The following SDK1 variants were observed in gnomAD, a reference collection of about 807,000 sequenced individuals.
The protein encoded by SDK1 is protein sidekick-1.
SDK1 carries 157 observed loss-of-function variants against 245.5 expected under a neutral mutation model. That is an observed-to-expected ratio of 0.64 (90% CI 0.56 to 0.73). The LOEUF is 0.73. SDK1 is among the 30% of genes least tolerant of loss of function. The pLI is 0.00. For missense variants in SDK1, 3,583 were observed against 3,002.3 expected (o/e 1.19, Z -4.52); for synonymous variants, 1,647 against 1,278.5 (o/e 1.29, Z -6.15).
At chr7:3,627,822 A>C (rs1782167253) in intron 2 of SDK1, among the ~76,000 whole-genome samples, 1 of 152,188 alleles carries the variant, frequency 6.6e-6, no homozygotes, top group Non-Finnish European at 1.5e-5. Flanking sequence ...GATGCTCTCT[A>C]GTGATATAAA....
chr7:3,892,049 C>A (rs910943867), intron 5 of SDK1, among the ~76,000 whole-genome samples: 19 of 151,952 alleles, frequency 1.3e-4, no homozygotes, highest in African/African-American at 4.6e-4. Context: ...TTTTCTTTTT[C>A]TTTTTTTGCC....
chr7:3,394,150 C>T (rs573266261), intron 1 of SDK1, among the ~76,000 whole-genome samples: 1 of 152,144 alleles, frequency 6.6e-6, no homozygotes, highest in South Asian at 2.1e-4. Context: ...AGATATTGTT[C>T]TCCTCCTTTT....
chr7:3,856,652 A>G (rs1205501336), intron 5 of SDK1, among the ~76,000 whole-genome samples: 1 of 151,938 alleles, frequency 6.6e-6, no homozygotes, highest in Non-Finnish European at 1.5e-5. Context: ...TTAGCCAGGC[A>G]TGGTGGCGGG....
chr7:3,385,721 T>C (rs1183828482), intron 1 of SDK1, among the ~76,000 whole-genome samples: 3 of 152,214 alleles, frequency 2.0e-5, no homozygotes, highest in Non-Finnish European at 2.9e-5. Context: ...ATAATTCTTA[T>C]CAGACATTTT....
chr7:4,124,757 C>A lies in SDK1; in HGVS notation c.3824-2624C>A, dbSNP rs371658876. On this transcript the variant is annotated intron_variant, in intron 25 of 44. Coordinates refer to ENST00000404826, the MANE Select transcript of SDK1 (RefSeq NM_152744.4). ...CACCATGTTACTTTCTGTCTTCAGA[C>A]TAACTAACAGTGCTACCCTCTCAGT... Among the ~76,000 whole-genome samples, 4 of 152,210 alleles carry A rather than the reference C, an allele frequency of 2.6e-5. No homozygotes were observed. In the South Asian group the frequency reaches 6.2e-4, roughly 24 times the overall value.
At chr7:4,142,189 T>C (rs185159111) in intron 28 of SDK1, among the ~76,000 whole-genome samples, 1 of 152,338 alleles carries the variant, frequency 6.6e-6, no homozygotes, top group Admixed American at 6.5e-5. Context: ...AGTCTGTTTT[T>C]AATGCAAACT....
chr7:3,485,081 T>C (rs143154471), intron 1 of SDK1, among the ~76,000 whole-genome samples: 3 of 152,334 alleles, frequency 2.0e-5, no homozygotes, highest in Non-Finnish European at 2.9e-5. Flanking sequence ...CCCTCCATAC[T>C]GTTTTCCATA....
At chr7:3,677,563 C>T (rs900998600) in intron 4 of SDK1, among the ~76,000 whole-genome samples, 1 of 152,136 alleles carries the variant, frequency 6.6e-6, no homozygotes, top group Non-Finnish European at 1.5e-5. Flanking sequence ...GAAACCACCC[C>T]CGTGATTCAA....
At chr7:3,924,250 T>C (rs550378890) in intron 5 of SDK1, among the ~76,000 whole-genome samples, 15 of 152,196 alleles carry the variant, frequency 9.9e-5, no homozygotes, top group Middle Eastern at 3.4e-3. Flanking sequence ...TGAGGAGCAG[T>C]TGCGTGGAAG....
intron 4 of SDK1, among the ~76,000 whole-genome samples, chr7:3,750,430 G>T (rs185732841): frequency 6.6e-6 from 1 of 152,338 alleles, no homozygotes. Context: ...CAACTCTTCA[G>T]TGATACTTGT....
intron 5 of SDK1, among the ~76,000 whole-genome samples, chr7:3,846,980 C>A (rs1255122203): frequency 3.3e-5 from 5 of 152,200 alleles, no homozygotes; most frequent in African/African-American, 1.2e-4. Context: ...TACTGCGCGG[C>A]TGGCTGTCCC....
intron 4 of SDK1, among the ~76,000 whole-genome samples, chr7:3,799,600 G>A (rs1401288775): frequency 6.6e-6 from 1 of 151,178 alleles, no homozygotes; most frequent in Non-Finnish European, 1.5e-5. Context: ...AGCTACTCGG[G>A]AGGCTGAGGC....
intron 5 of SDK1, among the ~76,000 whole-genome samples, chr7:3,874,360 C>T (rs1236137807): frequency 1.3e-5 from 2 of 152,326 alleles, no homozygotes; most frequent in Non-Finnish European, 2.9e-5. Flanking sequence ...CTTCTTGCAG[C>T]TCCCCTGCTG....
chr7:3,348,633 C>T (rs1780570786), intron 1 of SDK1, among the ~76,000 whole-genome samples: 1 of 152,098 alleles, frequency 6.6e-6, no homozygotes, highest in East Asian at 1.9e-4. Context: ...TCGTCTGCAC[C>T]CCAAACCTCA....
chr7:3,346,751 G>A (rs1449979243), intron 1 of SDK1, among the ~76,000 whole-genome samples: 1 of 120,260 alleles, frequency 8.3e-6, no homozygotes, highest in South Asian at 2.6e-4. Context: ...GTATATATAT[G>A]TGTGTGTGTA....
chr7:3,404,343 C>G (rs66546301), intron 1 of SDK1, among the ~76,000 whole-genome samples: 1 of 151,938 alleles, frequency 6.6e-6, no homozygotes, highest in Non-Finnish European at 1.5e-5. Flanking sequence ...AGATTTCTTC[C>G]GGTGTATGGC....
intron 5 of SDK1, among the ~76,000 whole-genome samples, chr7:3,887,005 G>A (rs543608168): frequency 1.3e-5 from 2 of 152,164 alleles, no homozygotes; most frequent in African/African-American, 2.4e-5. Context: ...ATGAGGCTAC[G>A]TTAATATTTT....
intron 5 of SDK1, among the ~76,000 whole-genome samples, chr7:3,909,223 A>C (rs1779066762): frequency 6.6e-6 from 1 of 152,098 alleles, no homozygotes; most frequent in African/African-American, 2.4e-5. Flanking sequence ...CCTGTTTTCC[A>C]TTACGGAGTT....
chr7:3,637,284 A>C (rs1782490157), intron 2 of SDK1, among the ~76,000 whole-genome samples: 1 of 152,134 alleles, frequency 6.6e-6, no homozygotes, highest in Non-Finnish European at 1.5e-5. Flanking sequence ...TTTAGTACAG[A>C]CTGGGTTTCA....
Sources: gnomAD v4.1 joint callset for allele counts (sites outside exome capture counted in the v4.1 genomes callset) on GRCh38, gnomAD v4.1.1 for gene constraint, MANE v1.5 for transcripts, NCBI Gene and HGNC (gene_info 2026-07-23, HGNC 2026-07-21) for gene names.